POF1B: variants seen among roughly 807,000 people sequenced by gnomAD.
POF1B encodes the protein protein POF1B.
In POF1B, 53 loss-of-function variants were observed where a neutral mutation model predicts 55.3. The observed-to-expected ratio is 0.96, with a 90% CI of 0.77 to 1.20. The LOEUF is 1.20. POF1B is among the 50% of genes most tolerant of loss of function. The pLI is 0.00. For missense variants in POF1B, 478 were observed against 420.5 expected, an observed-to-expected ratio of 1.14 and a Z score of -1.20; for synonymous variants, 188 against 148.3, an observed-to-expected ratio of 1.27 and a Z score of -1.95.
intron 15 of POF1B, among the ~76,000 whole-genome samples, chrX:85,299,011 A>G (rs1932375855): frequency 9.1e-6 from 1 of 110,191 alleles, no homozygotes; most frequent in Non-Finnish European, 1.9e-5. Context: ...AAATCTGGCC[A>G]AAAAAAATCA....
intron 2 of POF1B, among the ~76,000 whole-genome samples, chrX:85,368,797 C>A (rs1933772870): frequency 9.0e-6 from 1 of 111,667 alleles, no homozygotes; most frequent in Non-Finnish European, 1.9e-5. Context: ...ACTGCAATCA[C>A]TTCATTAGTG....
intron 15 of POF1B, among the ~76,000 whole-genome samples, chrX:85,298,007 C>T (rs770316136): frequency 2.6e-4 from 29 of 112,479 alleles, no homozygotes; most frequent in Non-Finnish European, 4.7e-4. Context: ...GCATTGGAAC[C>T]ATGCCTGTGG....
chrX:85,330,998 T>C lies in POF1B; in HGVS notation c.805A>G (p.Thr269Ala). 1 of 1,205,555 alleles carries C rather than the reference T, an allele frequency of 8.3e-7. No individual in the cohort carries two copies. The highest frequency in any genetic ancestry group is 1.8e-5 in the South Asian group (1 of 55,869). Residue 269 changes from threonine (T) to alanine (A), a missense_variant, in exon 7 of 17, where the codon ACG (threonine) becomes GCG (alanine). Physicochemically the swap from Thr to Ala is moderately conservative, Grantham distance 58. Coordinates refer to ENST00000262753, the MANE Select transcript of POF1B (RefSeq NM_024921.4). Reference protein sequence around the residue: ...ELLADLSRKNTDLYHCLLEHL... With the variant: ...ELLADLSRKNADLYHCLLEHL... The stretch of plus-strand genomic sequence containing the variant: ...TCTAATAAGCAGTGATATAGATCCG[T>C]ATTCTTACGGCTCAGATCAGCAAGC...
chrX:85,333,774 C>T (rs1933017699), intron 6 of POF1B, among the ~76,000 whole-genome samples: 1 of 110,978 alleles, frequency 9.0e-6, no homozygotes, highest in African/African-American at 3.3e-5. Flanking sequence ...ACATAGACTT[C>T]TGAATAATGT....
chrX:85,310,454 G>C, intron 9 of POF1B, among the ~76,000 whole-genome samples: 1 of 111,807 alleles, frequency 8.9e-6, no homozygotes, highest in Non-Finnish European at 1.9e-5. Context: ...AAACAACAAA[G>C]CTCTCAAGGA....
At chrX:85,299,931 T>C (rs1474141992) in intron 15 of POF1B, among the ~76,000 whole-genome samples, 1 of 112,765 alleles carries the variant, frequency 8.9e-6, no homozygotes, top group Non-Finnish European at 1.9e-5. Flanking sequence ...GTTGATTCTG[T>C]GGAAAACTCC....
At position 85,297,084 on chromosome X, in the gene POF1B, G is replaced by C. The variant is rs373340370; in HGVS notation, c.1649+6322C>G. On this transcript the variant is annotated intron_variant, in intron 15 of 16. Coordinates refer to ENST00000262753, the MANE Select transcript of POF1B (RefSeq NM_024921.4). ...TTTTTCAATTCCAGAAGTTCCATTT[G>C]GTTCTTTCTTAAAGTGGCTATTTTG... Among the ~76,000 whole-genome samples the C allele has an allele frequency of 2.5e-4, 28 of 111,830 alleles. No homozygotes were observed. In the Admixed American group the frequency reaches 2.6e-3, roughly 10 times the overall value.
At chrX:85,319,519 C>T (rs1932816239) in intron 7 of POF1B, among the ~76,000 whole-genome samples, 1 of 111,132 alleles carries the variant, frequency 9.0e-6, no homozygotes, top group African/African-American at 3.3e-5. Flanking sequence ...AGAGATGGCT[C>T]TTATTATTCT....
intron 6 of POF1B, among the ~76,000 whole-genome samples, chrX:85,340,551 G>A (rs1186657681): frequency 9.0e-6 from 1 of 111,600 alleles, no homozygotes; most frequent in Admixed American, 9.5e-5. Flanking sequence ...TGAAAGCTAT[G>A]TGAACTGAAG....
intron 9 of POF1B, among the ~76,000 whole-genome samples, chrX:85,311,819 C>T: frequency 8.9e-6 from 1 of 112,081 alleles, no homozygotes; most frequent in Admixed American, 9.4e-5. Flanking sequence ...CCTATTTCTC[C>T]ACATCCACTC....
chrX:85,331,031 C>A lies in POF1B; in HGVS notation c.772G>T (p.Gly258Ter), dbSNP rs1932970143. 8.3e-7 allele frequency: 1 copy of A among 1,204,649 alleles called. No individual in the cohort carries two copies. Among genetic ancestry groups the A allele is most frequent in the Non-Finnish European group, 1.1e-6 (1 of 892,352 alleles). Residue 258 changes from glycine (G) to a stop codon, truncating the protein, a stop_gained, in exon 7 of 17, where the codon GGA becomes TGA. Coordinates refer to ENST00000262753, the MANE Select transcript of POF1B (RefSeq NM_024921.4). LOFTEE classifies it high-confidence loss of function. ...GPEKLDPRYF[G>*]ELLADLSRKN... ...CGGCTCAGATCAGCAAGCAACTCTC[C>A]AAAATATCTGGGGTCCAATTTTTCA...
At position 85,308,337 on chromosome X, in the gene POF1B, TAGAA is replaced by T. The variant is rs767719753; in HGVS notation, c.958-125_958-122del. The T allele has an allele frequency of 1.1e-5, 4 of 377,156 alleles. No individual in the cohort carries two copies. The South Asian group carries it at 3.3e-4, about 31-fold the overall frequency. 31.1% of individuals were successfully genotyped at this position (377,156 alleles called of 1,213,427 possible). A position where few individuals can be genotyped will look rare whatever the true frequency, so the allele number is the denominator to read the frequency against. Reference sequence around the variant, plus strand: ...ATAATTTTACTTTGATATGGCAAATTAGAAAGGTGATATAAGGCATTTTGTCAAT... The same window carrying T: ...ATAATTTTACTTTGATATGGCAAATTAGGTGATATAAGGCATTTTGTCAAT... On this transcript the variant is annotated intron_variant, in intron 9 of 16. Transcript: ENST00000262753.
intron 7 of POF1B, among the ~76,000 whole-genome samples, chrX:85,328,569 G>A (rs1417633022): frequency 9.0e-6 from 1 of 110,879 alleles, no homozygotes; most frequent in African/African-American, 3.3e-5. Context: ...AGGAAAATTG[G>A]TTCTCAGAGT....
In POF1B at chrX:85,279,133, T is replaced by G; in HGVS notation, c.*288A>C. The G allele has an allele frequency of 4.3e-6, 1 of 233,430 alleles. No individual in the cohort carries two copies. The highest frequency in any genetic ancestry group is 6.3e-5 in the East Asian group (1 of 15,828). The allele number at this position is 233,430 out of a possible 1,213,427, so 19.2% of individuals were successfully genotyped here. A position where few individuals can be genotyped will look rare whatever the true frequency, so the allele number is the denominator to read the frequency against. ...GTTACCTTATCTGAAACATAATGAG[T>G]TATGTTCTACAGTGTCTGCAATCAA... is the stretch of plus-strand genomic sequence containing the variant. On this transcript the variant is annotated 3_prime_UTR_variant, in exon 17 of 17. Transcript: ENST00000262753.
chrX:85,339,478 T>A (rs1332500532), intron 6 of POF1B, among the ~76,000 whole-genome samples: 2 of 110,979 alleles, frequency 1.8e-5, no homozygotes, highest in Non-Finnish European at 3.8e-5. Context: ...CAGTATAGTA[T>A]AATGGAAAGA....
chrX:85,300,608 C>A (rs979579646), intron 15 of POF1B, among the ~76,000 whole-genome samples: 2 of 111,804 alleles, frequency 1.8e-5, no homozygotes, highest in Non-Finnish European at 3.8e-5. Context: ...AGAGTTACCA[C>A]ATTATATTAT....
chrX:85,324,083 G>A (rs1309414476), intron 7 of POF1B, among the ~76,000 whole-genome samples: 1 of 111,683 alleles, frequency 9.0e-6, no homozygotes, highest in Non-Finnish European at 1.9e-5. Flanking sequence ...CAAGATTGTA[G>A]TTGTTGTTAT....
intron 4 of POF1B, among the ~76,000 whole-genome samples, chrX:85,357,233 T>C (rs970185001): frequency 5.4e-5 from 6 of 111,090 alleles, no homozygotes; most frequent in African/African-American, 2.0e-4. Context: ...TTTCCTGAAG[T>C]CATTTCTCCA....
At chrX:85,316,790 TG>T (rs1197535447) in intron 7 of POF1B, among the ~76,000 whole-genome samples, 1 of 110,739 alleles carries the variant, frequency 9.0e-6, no homozygotes, top group Admixed American at 9.7e-5. Flanking sequence ...TTGCATTTTG[TG>T]GTGGTTTGGT....
Sources: allele counts gnomAD v4.1 joint callset (sites outside exome capture counted in the v4.1 genomes callset), GRCh38; gene constraint gnomAD v4.1.1; transcripts MANE v1.5; gene names NCBI Gene and HGNC (gene_info 2026-07-23, HGNC 2026-07-21).